The following GPHN variants were observed in gnomAD, a reference collection of about 807,000 sequenced individuals.
GPHN encodes the protein gephyrin.
Under a neutral mutation model 95.5 loss-of-function variants are expected in GPHN, and 17 were observed. The observed-to-expected ratio is 0.18, with a 90% CI of 0.12 to 0.27. GPHN has a LOEUF of 0.27. GPHN is among the 10% of genes least tolerant of loss of function. The pLI is 1.00. For missense variants in GPHN, 660 were observed against 978.1 expected (o/e 0.67, Z 4.34); for synonymous variants, 320 against 322.5 (o/e 0.99, Z 0.08).
the GPHN span, among the ~76,000 whole-genome samples, chr14:67,474,301 C>G: frequency 1.3e-5 from 2 of 151,848 alleles, no homozygotes; most frequent in African/African-American, 4.8e-5. Context: ...AATAACCCAC[C>G]CACCCCACTG....
chr14:66,777,095 AAGAG>A (rs889637671), intron 3 of GPHN, among the ~76,000 whole-genome samples: 17 of 151,776 alleles, frequency 1.1e-4, no homozygotes, highest in South Asian at 6.2e-4. Flanking sequence ...AAAAAAAAAA[AAGAG>A]AGAAGAATCA....
intron 12 of GPHN, among the ~76,000 whole-genome samples, chr14:67,097,143 AT>A: frequency 6.6e-6 from 1 of 152,310 alleles, no homozygotes; most frequent in East Asian, 1.9e-4. Context: ...TACTGTAAAT[AT>A]ATTTAGAAGC....
the GPHN span, among the ~76,000 whole-genome samples, chr14:67,484,805 C>T: frequency 1.3e-5 from 2 of 152,132 alleles, no homozygotes; most frequent in East Asian, 1.9e-4. Context: ...GAACTAACAG[C>T]GATTACCATT....
chr14:67,426,283 TGAG>T, the GPHN span, among the ~76,000 whole-genome samples: 1 of 152,094 alleles, frequency 6.6e-6, no homozygotes, highest in South Asian at 2.1e-4. Context: ...GGGTAGTTGC[TGAG>T]GAGGGTAGAG....
the GPHN span, among the ~76,000 whole-genome samples, chr14:67,444,385 G>A: frequency 0.026 from 3,938 of 152,268 alleles, 72 homozygotes; most frequent in Non-Finnish European, 0.037. Flanking sequence ...CCCCTTTCTG[G>A]TAAGTGTGAT....
chr14:67,512,497 A>T, the GPHN span, among the ~76,000 whole-genome samples: 1 of 152,142 alleles, frequency 6.6e-6, no homozygotes. Context: ...TCAAAAATAC[A>T]CCCAGACCAC....
chr14:66,867,560 C>G (rs953922312), intron 4 of GPHN, among the ~76,000 whole-genome samples: 11 of 152,180 alleles, frequency 7.2e-5, no homozygotes, highest in Non-Finnish European at 1.5e-4. Context: ...GATACCTACT[C>G]TGTACCATAG....
chr14:66,942,782 G>A (rs1057095894), intron 8 of GPHN, among the ~76,000 whole-genome samples: 8 of 152,064 alleles, frequency 5.3e-5, no homozygotes, highest in African/African-American at 1.7e-4. Flanking sequence ...AGATGCCCCA[G>A]GGGACCTCTG....
At chr14:66,777,313 A>G (rs1336787179) in intron 3 of GPHN, among the ~76,000 whole-genome samples, 1 of 152,224 alleles carries the variant, frequency 6.6e-6, no homozygotes, top group African/African-American at 2.4e-5. Flanking sequence ...ACAGGAGCTG[A>G]AATTCTGGCA....
intron 6 of GPHN, among the ~76,000 whole-genome samples, chr14:66,916,983 ATATT>A (rs1402070011): frequency 6.6e-6 from 1 of 152,174 alleles, no homozygotes; most frequent in East Asian, 1.9e-4. Flanking sequence ...GGGTGTGGAT[ATATT>A]TAGAGAAATA....
chr14:67,391,178 C>T, the GPHN span, among the ~76,000 whole-genome samples: 1 of 152,068 alleles, frequency 6.6e-6, no homozygotes, highest in Non-Finnish European at 1.5e-5. Context: ...CGTGTGCCCA[C>T]ATGTGCAGTA....
chr14:67,119,064 T>A (rs2078863410), intron 16 of GPHN, among the ~76,000 whole-genome samples: 1 of 152,158 alleles, frequency 6.6e-6, no homozygotes, highest in African/African-American at 2.4e-5. Flanking sequence ...TGGTCGGAAT[T>A]TGTAAAATAG....
At chr14:67,118,778 C>G (rs933126707) in intron 16 of GPHN, among the ~76,000 whole-genome samples, 1 of 151,334 alleles carries the variant, frequency 6.6e-6, no homozygotes, top group Non-Finnish European at 1.5e-5. Flanking sequence ...GGGGGAGTTA[C>G]CTTTCTTAAT....
At chr14:66,541,536 G>A (rs1349781370) in intron 1 of GPHN, among the ~76,000 whole-genome samples, 1 of 152,122 alleles carries the variant, frequency 6.6e-6, no homozygotes, top group Non-Finnish European at 1.5e-5. Flanking sequence ...TCATTTATTT[G>A]TATAAATATT....
chr14:67,357,162 T>C, the GPHN span, among the ~76,000 whole-genome samples: 1 of 152,234 alleles, frequency 6.6e-6, no homozygotes, highest in African/African-American at 2.4e-5. Context: ...CACTCTACAA[T>C]TGTTTTTGCT....
At chr14:67,625,522 A>C in the GPHN span, among the ~76,000 whole-genome samples, 50,194 of 150,734 alleles carry the variant, frequency 0.33, 8,915 homozygotes, top group African/African-American at 0.46. Flanking sequence ...CTAAAAATAC[A>C]AAAAAAAATT....
chr14:66,518,055 A>G (rs1396839238), intron 1 of GPHN, among the ~76,000 whole-genome samples: 1 of 151,954 alleles, frequency 6.6e-6, no homozygotes, highest in African/African-American at 2.4e-5. Flanking sequence ...CGGGGGATTA[A>G]TATCTAGGAT....
chr14:66,632,101 A>G (rs1273331593), intron 1 of GPHN, among the ~76,000 whole-genome samples: 1 of 152,192 alleles, frequency 6.6e-6, no homozygotes, highest in East Asian at 1.9e-4. Context: ...GATCTTTGGG[A>G]AATAATGTCT....
At chr14:67,319,814 T>A in the GPHN span, among the ~76,000 whole-genome samples, 1 of 152,204 alleles carries the variant, frequency 6.6e-6, no homozygotes. Context: ...CGGTCTATGC[T>A]AGCCATTGTA....
Sources: allele counts gnomAD v4.1 joint callset (sites outside exome capture counted in the v4.1 genomes callset), GRCh38; gene constraint gnomAD v4.1.1; transcripts MANE v1.5; gene names NCBI Gene and HGNC (gene_info 2026-07-23, HGNC 2026-07-21).